The following CUX1 variants were observed in gnomAD, a reference collection of about 807,000 sequenced individuals.
The protein encoded by CUX1 is protein CASP.
CUX1 carries 31 observed loss-of-function variants against 158.8 expected under a neutral mutation model. That is an observed-to-expected ratio of 0.20 (90% confidence interval 0.15 to 0.26). The LOEUF (loss-of-function observed/expected upper bound fraction) is 0.26. Ranked by LOEUF, CUX1 falls within the 10% of genes least tolerant of loss-of-function variation. The pLI is 1.00. For missense variants in CUX1, 1,589 were observed against 2,014.6 expected (o/e 0.79, Z 4.04); for synonymous variants, 879 against 862.1 (o/e 1.02, Z -0.34).
intron 1 of CUX1, among the ~76,000 whole-genome samples, chr7:101,896,427 C>T (rs188615256): frequency 4.0e-4 from 61 of 152,290 alleles, no homozygotes; most frequent in African/African-American, 1.3e-3. Context: ...TACACAGGAA[C>T]GCCACAGTCA....
At chr7:102,026,818 TAAAAAAAAAAAAAAAAA>T (rs10533217) in intron 2 of CUX1, among the ~76,000 whole-genome samples, 1 of 96,316 alleles carries the variant, frequency 1.0e-5, no homozygotes, top group Admixed American at 1.3e-4. Context: ...ACTCCGTCTT[TAAAAAAAAAAAAAAAAA>T]AAAAAAAAAC....
chr7:102,240,934 C>A (rs1800136453), intron 23 of CUX1, among the ~76,000 whole-genome samples: 1 of 152,210 alleles, frequency 6.6e-6, no homozygotes, highest in Non-Finnish European at 1.5e-5. Context: ...GACTCTCCTG[C>A]CTCAGCCTCC....
intron 20 of CUX1, among the ~76,000 whole-genome samples, chr7:102,211,162 G>A (rs1344320830): frequency 6.6e-6 from 1 of 152,082 alleles, no homozygotes; most frequent in Non-Finnish European, 1.5e-5. Context: ...AAAGCAGGCA[G>A]GGGCCAGGCG....
At chr7:102,057,614 G>A (rs770002049) in intron 3 of CUX1, among the ~76,000 whole-genome samples, 9 of 152,082 alleles carry the variant, frequency 5.9e-5, no homozygotes, top group East Asian at 3.9e-4. Flanking sequence ...CTGCAGATGC[G>A]GGGGAAATAG....
At chr7:102,218,968 A>G (rs1554525837) in intron 20 of CUX1, among the ~76,000 whole-genome samples, 3 of 144,736 alleles carry the variant, frequency 2.1e-5, no homozygotes, top group Non-Finnish European at 4.5e-5. Context: ...TGGGAAGATC[A>G]CTTGAGCCCA....
At chr7:102,173,349 C>T (rs1586040396) in intron 10 of CUX1, among the ~76,000 whole-genome samples, 1 of 152,202 alleles carries the variant, frequency 6.6e-6, no homozygotes, top group African/African-American at 2.4e-5. Context: ...AGCAAGACTC[C>T]ATCTCAAAAC....
At chr7:101,886,908 T>C (rs543929004) in intron 1 of CUX1, among the ~76,000 whole-genome samples, 2 of 152,272 alleles carry the variant, frequency 1.3e-5, no homozygotes, top group South Asian at 4.1e-4. Context: ...GGGTAGATGC[T>C]GCTTCACCAG....
chr7:101,939,796 AT>A (rs1361541890), intron 2 of CUX1, among the ~76,000 whole-genome samples: 1 of 151,438 alleles, frequency 6.6e-6, no homozygotes, highest in African/African-American at 2.4e-5. Context: ...ACCCCTGTCT[AT>A]AAAAAATACA....
chr7:101,846,826 T>C (rs1216941210), intron 1 of CUX1, among the ~76,000 whole-genome samples: 1 of 151,998 alleles, frequency 6.6e-6, no homozygotes, highest in African/African-American at 2.4e-5. Flanking sequence ...GTTGGTCTGG[T>C]ATGGATGCTG....
chr7:102,041,758 C>T (rs968449337), intron 3 of CUX1, among the ~76,000 whole-genome samples: 1 of 147,504 alleles, frequency 6.8e-6, no homozygotes, highest in African/African-American at 2.5e-5. Context: ...ACCTCCACCT[C>T]CCGGGTTCAA....
At chr7:101,844,665 G>T (rs928448472) in intron 1 of CUX1, among the ~76,000 whole-genome samples, 11 of 152,044 alleles carry the variant, frequency 7.2e-5, no homozygotes, top group African/African-American at 2.7e-4. Flanking sequence ...GCCCAGGCTG[G>T]AGTGCAGCAG....
At chr7:101,878,891 C>CA (rs1191001890) in intron 1 of CUX1, among the ~76,000 whole-genome samples, 2 of 152,134 alleles carry the variant, frequency 1.3e-5, no homozygotes, top group Admixed American at 1.3e-4. Context: ...AGGCTGGTCT[C>CA]AAACTCCTGA....
At chr7:102,233,231 G>T (rs1339574160) in intron 21 of CUX1, among the ~76,000 whole-genome samples, 1 of 144,836 alleles carries the variant, frequency 6.9e-6, no homozygotes, top group African/African-American at 2.6e-5. Flanking sequence ...TGTTGCCCAG[G>T]CTGGAGTGCA....
chr7:101,931,145 T>G (rs779985340), intron 2 of CUX1, among the ~76,000 whole-genome samples: 16 of 152,194 alleles, frequency 1.1e-4, no homozygotes, highest in Admixed American at 6.5e-4. Context: ...TCGTCCCTTT[T>G]CCATAGGTGT....
chr7:102,011,575 T>A (rs552482653), intron 2 of CUX1, among the ~76,000 whole-genome samples: 40 of 152,050 alleles, frequency 2.6e-4, no homozygotes, highest in South Asian at 1.0e-3. Context: ...AGAGACGGGT[T>A]TCACCGTGTT....
In CUX1 at chr7:101,916,330, G is replaced by T. The variant is rs1477446824; in HGVS notation, c.141+105G>T. The T allele has an allele frequency of 2.7e-6, 2 of 734,430 alleles. No homozygotes were observed. Among genetic ancestry groups the T allele is most frequent in the Non-Finnish European group, 4.9e-6 (2 of 409,634 alleles). 45.5% of individuals were successfully genotyped at this position (734,430 alleles called of 1,614,324 possible). On this transcript the variant is annotated intron_variant, in intron 2 of 23. Coordinates refer to ENST00000292535, the MANE Select transcript of CUX1 (RefSeq NM_181552.4). The surrounding 1 kb of genome is among the most constrained non-coding windows in gnomAD (Gnocchi z 4.4). ...TTCATTTTCATCAGATGAACGCACG[G>T]CCGGCAAACAACCCGTTTCTTTCCC...
chr7:102,038,467 C>T (rs182175083), intron 3 of CUX1, among the ~76,000 whole-genome samples: 31 of 152,328 alleles, frequency 2.0e-4, no homozygotes, highest in Admixed American at 1.3e-3. Flanking sequence ...GTCTAGGTTG[C>T]ATAATAACCA....
At chr7:102,240,544 C>T (rs1269207659) in intron 23 of CUX1, among the ~76,000 whole-genome samples, 2 of 152,062 alleles carry the variant, frequency 1.3e-5, no homozygotes, top group African/African-American at 4.8e-5. Context: ...AGACATGAGC[C>T]ACCACACCTG....
chr7:101,915,756 T>G (rs1474948120), intron 1 of CUX1, among the ~76,000 whole-genome samples: 2 of 152,122 alleles, frequency 1.3e-5, no homozygotes, highest in Admixed American at 1.3e-4. Context: ...GTGGAGCAAC[T>G]TGGGGAGGCG....
Sources: gnomAD v4.1 joint callset for allele counts (sites outside exome capture counted in the v4.1 genomes callset) on GRCh38, gnomAD v4.1.1 for gene constraint, Gnocchi (gnomAD v3.1) non-coding constraint, MANE v1.5 for transcripts, NCBI Gene and HGNC (gene_info 2026-07-23, HGNC 2026-07-21) for gene names.